GMDS: variants seen among roughly 807,000 people sequenced by gnomAD.
GMDS encodes GDP-mannose 4,6-dehydratase, also known as GDP-mannose 4,6 dehydratase.
GMDS carries 20 observed loss-of-function variants against 49.9 expected under a neutral mutation model. The observed-to-expected ratio is 0.40, with a 90% CI of 0.28 to 0.58. The LOEUF (loss-of-function observed/expected upper bound fraction) is 0.58. GMDS is among the 20% of genes least tolerant of loss of function. GMDS has a pLI of 0.42. For missense variants in GMDS, 362 were observed against 481.4 expected, an observed-to-expected ratio of 0.75 and a Z score of 2.32; for synonymous variants, 177 against 178.6, an observed-to-expected ratio of 0.99 and a Z score of 0.07.
chr6:1,805,217 T>C (rs1770123234), intron 7 of GMDS, among the ~76,000 whole-genome samples: 1 of 152,214 alleles, frequency 6.6e-6, no homozygotes, highest in Admixed American at 6.5e-5. Flanking sequence ...TAAATATTAA[T>C]ATAAGAAGGG....
intron 2 of GMDS, among the ~76,000 whole-genome samples, chr6:2,120,178 T>C (rs953932335): frequency 6.6e-6 from 1 of 152,176 alleles, no homozygotes; most frequent in Non-Finnish European, 1.5e-5. Context: ...ATCAAATCAC[T>C]TAATCATCAC....
chr6:1,626,383 G>A lies in GMDS; in HGVS notation c.988-1843C>T, dbSNP rs114708201. On this transcript the variant is annotated intron_variant, in intron 9 of 10. Coordinates refer to ENST00000380815, the MANE Select transcript of GMDS (RefSeq NM_001500.4). ...CTTCAGGAAAAGTAGAATACAAAAA[G>A]TAGTAATTAGCAATTTAACATAGCG... is the stretch of plus-strand genomic sequence containing the variant. 4.6e-3 allele frequency among the ~76,000 whole-genome samples: 706 copies of A among 152,320 alleles called. 4 individuals are homozygous for A. Among genetic ancestry groups the A allele is most frequent in the African/African-American group, 0.016 (679 of 41,560 alleles).
chr6:1,889,968 G>A (rs927560077), intron 7 of GMDS, among the ~76,000 whole-genome samples: 1 of 151,950 alleles, frequency 6.6e-6, no homozygotes, highest in Admixed American at 6.6e-5. Flanking sequence ...ATAATATGAC[G>A]TATTATGGAT....
rs767039198 is a variant in GMDS at position 1,963,015 on chromosome 6, T to C, written c.346-2049A>G. ...CCTCAGCCTCCTGAGTAGCTGGGAT[T>C]ACAGGCATGCACCACCACGCCCAGC... On this transcript the variant is annotated intron_variant, in intron 4 of 10. Coordinates refer to ENST00000380815, the MANE Select transcript of GMDS (RefSeq NM_001500.4). Among the ~76,000 whole-genome samples the C allele has an allele frequency of 1.3e-4, 19 of 151,698 alleles. 1 individual carries two copies. The highest frequency in any genetic ancestry group is 2.4e-4 in the Non-Finnish European group (16 of 67,924).
At chr6:2,067,913 T>A (rs1311224571) in intron 4 of GMDS, among the ~76,000 whole-genome samples, 20 of 151,776 alleles carry the variant, frequency 1.3e-4, no homozygotes, top group Admixed American at 1.2e-3. Context: ...TAACTCATTT[T>A]ATGAGGCCAG....
At chr6:2,198,385 T>A (rs1170771627) in intron 1 of GMDS, among the ~76,000 whole-genome samples, 1 of 152,254 alleles carries the variant, frequency 6.6e-6, no homozygotes, top group Non-Finnish European at 1.5e-5. Flanking sequence ...ATCCAAAATA[T>A]TTGAGAAAGG....
Position 1,631,410 on chromosome 6 carries a change from C to T in GMDS, c.988-6870G>A, listed in dbSNP as rs1762996215. On this transcript the variant is annotated intron_variant, in intron 9 of 10. Coordinates refer to ENST00000380815, the MANE Select transcript of GMDS (RefSeq NM_001500.4). Reference sequence around the variant, plus strand: ...AATGCCTACCTAGGCCACAGGGGATCCTGAATTGCATAAGAGGAAGGTAAT... The same window carrying T: ...AATGCCTACCTAGGCCACAGGGGATTCTGAATTGCATAAGAGGAAGGTAAT... Among the ~76,000 whole-genome samples, 3 of 152,052 alleles carry T rather than the reference C, an allele frequency of 2.0e-5. No homozygotes were observed. The South Asian group carries it at 6.3e-4, about 32-fold the overall frequency.
At chr6:1,750,923 G>A (rs976998236) in intron 7 of GMDS, among the ~76,000 whole-genome samples, 1 of 152,134 alleles carries the variant, frequency 6.6e-6, no homozygotes, top group African/African-American at 2.4e-5. Context: ...TGAGTAGGTG[G>A]TTTTCCCCTC....
chr6:1,851,742 A>C (rs1453210418), intron 7 of GMDS, among the ~76,000 whole-genome samples: 1 of 152,216 alleles, frequency 6.6e-6, no homozygotes, highest in Non-Finnish European at 1.5e-5. Flanking sequence ...AAGAAAAAAA[A>C]GAAAAGCTGG....
intron 4 of GMDS, among the ~76,000 whole-genome samples, chr6:1,985,763 C>T (rs999763458): frequency 2.0e-5 from 3 of 152,098 alleles, no homozygotes; most frequent in Admixed American, 2.0e-4. Context: ...CATCCCAGTT[C>T]AGTGAAAAGA....
intron 7 of GMDS, among the ~76,000 whole-genome samples, chr6:1,815,083 G>A (rs755414589): frequency 2.0e-5 from 3 of 152,144 alleles, no homozygotes; most frequent in Non-Finnish European, 2.9e-5. Context: ...ATTCTGCTGT[G>A]GGTTAATCTC....
chr6:1,710,135 T>C (rs1765893335), intron 9 of GMDS, among the ~76,000 whole-genome samples: 1 of 152,228 alleles, frequency 6.6e-6, no homozygotes, highest in Admixed American at 6.5e-5. Context: ...TTCCCAAGAA[T>C]CACTGCTTGT....
intron 6 of GMDS, among the ~76,000 whole-genome samples, chr6:1,948,407 G>C (rs1763187249): frequency 6.6e-6 from 1 of 151,944 alleles, no homozygotes; most frequent in South Asian, 2.1e-4. Context: ...GTAAAGTAAG[G>C]TTTTCTTCTT....
chr6:1,832,003 A>C (rs1053965644), intron 7 of GMDS, among the ~76,000 whole-genome samples: 10 of 152,108 alleles, frequency 6.6e-5, no homozygotes, highest in African/African-American at 2.4e-4. Context: ...AAATTTAATA[A>C]ATATATAAAA....
At chr6:1,899,537 T>C (rs1460392501) in intron 7 of GMDS, among the ~76,000 whole-genome samples, 6 of 152,192 alleles carry the variant, frequency 3.9e-5, no homozygotes, top group African/African-American at 9.7e-5. Context: ...CCTGGTGCTA[T>C]AGCTGCAATG....
chr6:1,919,766 C>G (rs1761622474), intron 7 of GMDS, among the ~76,000 whole-genome samples: 1 of 152,284 alleles, frequency 6.6e-6, no homozygotes, highest in African/African-American at 2.4e-5. Flanking sequence ...ATTTCTCCAG[C>G]AAGTCAGTGT....
At chr6:2,065,658 A>G (rs1581598692) in intron 4 of GMDS, among the ~76,000 whole-genome samples, 1 of 152,302 alleles carries the variant, frequency 6.6e-6, no homozygotes, top group East Asian at 1.9e-4. Context: ...ATCAACTGGA[A>G]GAAAGGGTAT....
intron 7 of GMDS, among the ~76,000 whole-genome samples, chr6:1,779,643 G>T (rs1222623043): frequency 3.9e-5 from 6 of 152,132 alleles, no homozygotes; most frequent in Admixed American, 3.9e-4. Flanking sequence ...GCGCTCTTGT[G>T]TTTCCCATCC....
At chr6:1,773,693 A>G (rs1477180857) in intron 7 of GMDS, among the ~76,000 whole-genome samples, 1 of 152,226 alleles carries the variant, frequency 6.6e-6, no homozygotes, top group Non-Finnish European at 1.5e-5. Flanking sequence ...CAGGAATTCT[A>G]ACCGTTTCAC....
Sources: allele counts gnomAD v4.1 joint callset (sites outside exome capture counted in the v4.1 genomes callset), GRCh38; gene constraint gnomAD v4.1.1; transcripts MANE v1.5; gene names NCBI Gene and HGNC (gene_info 2026-07-23, HGNC 2026-07-21).